HDAC8: variants seen among roughly 807,000 people sequenced by gnomAD.
HDAC8 encodes the protein histone deacetylase-like 1.
Under a neutral mutation model 32.2 loss-of-function variants are expected in HDAC8, and 1 was observed. The observed-to-expected ratio is 0.03, with a 90% CI of 0.01 to 0.15. The LOEUF is 0.15. Among genes scored for constraint, HDAC8 ranks in the 10% least tolerant of loss-of-function variants. The pLI, the probability that HDAC8 is intolerant of heterozygous loss-of-function variation, is 1.00. For synonymous variants in HDAC8, 108 were observed against 113.9 expected (o/e 0.95, Z 0.33); for missense variants, 117 against 300.0 (o/e 0.39, Z 4.51).
At chrX:72,496,759 T>C (rs1458917703) in intron 4 of HDAC8, among the ~76,000 whole-genome samples, 1 of 106,192 alleles carries the variant, frequency 9.4e-6, no homozygotes, top group Non-Finnish European at 1.9e-5. Context: ...TACAATTAAA[T>C]TGGGGAGATA....
Position 72,429,019 on chromosome X carries a change from C to CT in HDAC8, c.1005+32984dup, listed in dbSNP as rs34627755. 7.2e-3 allele frequency among the ~76,000 whole-genome samples: 622 copies of CT among 86,354 alleles called. 9 individuals are homozygous for CT. The highest frequency in any genetic ancestry group is 0.018 in the Middle Eastern group (3 of 168). The allele number at this position is 86,354 out of a possible 115,157, so 75.0% of individuals were successfully genotyped here. A position where few individuals can be genotyped will look rare whatever the true frequency, so the allele number is the denominator to read the frequency against. ...AAATGTTTGATTCCTTTCTTTCTTT[C>CT]TTTCTTTTTTTTTTTTTGCTTCTTT... On this transcript the variant is annotated intron_variant, in intron 9 of 10. Coordinates refer to ENST00000373573, the MANE Select transcript of HDAC8 (RefSeq NM_018486.3).
intron 7 of HDAC8, among the ~76,000 whole-genome samples, chrX:72,478,167 A>G (rs1466396575): frequency 8.9e-6 from 1 of 112,448 alleles, no homozygotes; most frequent in African/African-American, 3.2e-5. Context: ...TAGGAGAATA[A>G]ACTTTTTATG....
rs565481010 is a variant in HDAC8 at position 72,427,902 on chromosome X, T to C, written c.1005+34102A>G. 9.8e-5 allele frequency among the ~76,000 whole-genome samples: 11 copies of C among 112,119 alleles called. No individual in the cohort carries two copies. In the South Asian group the frequency reaches 4.1e-3, roughly 42 times the overall value. ...CATGTTAAAATTGTTTTGAATTTTG[T>C]GAGGTTTGTAATATCTTTCAACTTG... On this transcript the variant is annotated intron_variant, in intron 9 of 10. Coordinates refer to ENST00000373573, the MANE Select transcript of HDAC8 (RefSeq NM_018486.3).
intron 4 of HDAC8, among the ~76,000 whole-genome samples, chrX:72,544,477 G>A (rs2050801151): frequency 9.0e-6 from 1 of 111,603 alleles, no homozygotes; most frequent in Non-Finnish European, 1.9e-5. Flanking sequence ...AAATGTACAG[G>A]TGGTAGATGG....
At chrX:72,339,398 G>A (rs782449566) in intron 10 of HDAC8, among the ~76,000 whole-genome samples, 10 of 112,392 alleles carry the variant, frequency 8.9e-5, no homozygotes, top group Non-Finnish European at 1.5e-4. Flanking sequence ...ACACATTATA[G>A]TCCACAGCAG....
chrX:72,456,731 G>A (rs1195973605), intron 9 of HDAC8, among the ~76,000 whole-genome samples: 4 of 111,044 alleles, frequency 3.6e-5, no homozygotes, highest in Admixed American at 1.9e-4. Flanking sequence ...CCCGAGAGGC[G>A]GAGGTTGCAG....
At chrX:72,504,674 C>T (rs188080480) in intron 4 of HDAC8, among the ~76,000 whole-genome samples, 24 of 111,647 alleles carry the variant, frequency 2.1e-4, no homozygotes, top group African/African-American at 7.1e-4. Flanking sequence ...CATAAGTATT[C>T]GTTTGAGTAC....
At chrX:72,491,344 C>T (rs1556009579) in intron 5 of HDAC8, among the ~76,000 whole-genome samples, 1 of 111,627 alleles carries the variant, frequency 9.0e-6, no homozygotes, top group Admixed American at 9.5e-5. Flanking sequence ...AGAATTGAGG[C>T]ATTATCAACA....
chrX:72,467,405 A>C (rs1285677971), intron 7 of HDAC8: 3 of 111,489 alleles, frequency 2.7e-5, no homozygotes, highest in Non-Finnish European at 5.6e-5. Context: ...TGTGCAATAA[A>C]AGTTTTTTTA....
intron 4 of HDAC8, among the ~76,000 whole-genome samples, chrX:72,514,105 A>G (rs1030361057): frequency 8.9e-6 from 1 of 112,649 alleles, no homozygotes; most frequent in African/African-American, 3.2e-5. Context: ...GAAACTCAGA[A>G]GGTAATTCAC....
At chrX:72,459,486 A>G (rs1374778499) in intron 9 of HDAC8, among the ~76,000 whole-genome samples, 1 of 110,887 alleles carries the variant, frequency 9.0e-6, no homozygotes, top group African/African-American at 3.3e-5. Context: ...GAGTGAGGTC[A>G]GCCCGGCTGC....
Position 72,481,613 on chromosome X carries a change from T to G in HDAC8, c.737+7320A>C, listed in dbSNP as rs192048178. On this transcript the variant is annotated intron_variant, in intron 7 of 10. Coordinates refer to ENST00000373573, the MANE Select transcript of HDAC8 (RefSeq NM_018486.3). ...GAAGATCTACCTGCTTCCTTTTTTT[T>G]TTGTTGTTGAGACAGAGTCTCACTC... is the stretch of plus-strand genomic sequence containing the variant. Among the ~76,000 whole-genome samples the G allele has an allele frequency of 6.0e-4, 66 of 110,048 alleles. 1 individual carries two copies. Among genetic ancestry groups the G allele is most frequent in the Middle Eastern group, 9.2e-3 (2 of 217 alleles).
At chrX:72,531,863 T>C (rs782702666) in intron 4 of HDAC8, among the ~76,000 whole-genome samples, 2 of 112,413 alleles carry the variant, frequency 1.8e-5, no homozygotes, top group South Asian at 7.3e-4. Context: ...GCTTTTTAAA[T>C]TCATCAATTG....
intron 9 of HDAC8, among the ~76,000 whole-genome samples, chrX:72,427,607 G>A (rs1436710147): frequency 4.6e-5 from 4 of 86,182 alleles, no homozygotes; most frequent in East Asian, 6.8e-4. Context: ...TGGGGTGGGG[G>A]GGGGGAGGGA....
intron 10 of HDAC8, among the ~76,000 whole-genome samples, chrX:72,346,976 G>C (rs887419628): frequency 8.1e-5 from 9 of 111,395 alleles, no homozygotes; most frequent in African/African-American, 2.9e-4. Context: ...AGATTTGACA[G>C]AGCAATGCTG....
At chrX:72,367,161 C>T (rs7060342) in intron 9 of HDAC8, among the ~76,000 whole-genome samples, 2,718 of 111,721 alleles carry the variant, frequency 0.024, 84 homozygotes, top group African/African-American at 0.084. Context: ...GGCAAGCATC[C>T]AGAGGTGTTT....
chrX:72,446,011 C>T (rs1374204619), intron 9 of HDAC8, among the ~76,000 whole-genome samples: 3 of 111,832 alleles, frequency 2.7e-5, no homozygotes, highest in Non-Finnish European at 5.6e-5. Context: ...GTTAGAATGG[C>T]GATCATTAGA....
chrX:72,398,327 T>G lies in HDAC8; in HGVS notation c.1006-46489A>C, dbSNP rs185675417. The stretch of plus-strand genomic sequence containing the variant: ...TGCTTTTCTTCTGGATTATCTTTTT[T>G]TTTGTTTGTTTTTTTGAGATGAGGT... On this transcript the variant is annotated intron_variant, in intron 9 of 10. Coordinates refer to ENST00000373573, the MANE Select transcript of HDAC8 (RefSeq NM_018486.3). 3.8e-3 allele frequency among the ~76,000 whole-genome samples: 424 copies of G among 110,737 alleles called. 3 individuals carry two copies. Among genetic ancestry groups the G allele is most frequent in the South Asian group, 0.015 (38 of 2,604 alleles).
intron 9 of HDAC8, among the ~76,000 whole-genome samples, chrX:72,365,569 TTAAG>T (rs1371007595): frequency 9.0e-6 from 1 of 110,773 alleles, no homozygotes; most frequent in African/African-American, 3.3e-5. Context: ...TGAGCAAGAT[TTAAG>T]TAAGAAGGAA....
Sources: allele counts gnomAD v4.1 joint callset (sites outside exome capture counted in the v4.1 genomes callset), GRCh38; gene constraint gnomAD v4.1.1; transcripts MANE v1.5; gene names NCBI Gene and HGNC (gene_info 2026-07-23, HGNC 2026-07-21).